PTPRA: variants seen among roughly 807,000 people sequenced by gnomAD.
The protein encoded by PTPRA is receptor-type tyrosine-protein phosphatase alpha.
In PTPRA, 25 loss-of-function variants were observed where a neutral mutation model predicts 104.8. The ratio of observed to expected loss-of-function variants is 0.24; its 90% CI spans 0.17 to 0.33. The LOEUF (loss-of-function observed/expected upper bound fraction) is 0.33. PTPRA is among the 10% of genes least tolerant of loss of function. PTPRA has a pLI of 1.00. For missense variants in PTPRA, 765 were observed against 1,015.3 expected, an observed-to-expected ratio of 0.75 and a Z score of 3.35; for synonymous variants, 323 against 368.9, an observed-to-expected ratio of 0.88 and a Z score of 1.43.
chr20:2,981,979 G>C (rs2062691703), intron 6 of PTPRA, among the ~76,000 whole-genome samples: 1 of 152,010 alleles, frequency 6.6e-6, no homozygotes, highest in Non-Finnish European at 1.5e-5. Flanking sequence ...TGATTCATTA[G>C]TATTTTTATA....
At chr20:3,030,279 A>G (rs1028450427) in intron 20 of PTPRA, among the ~76,000 whole-genome samples, 3 of 152,176 alleles carry the variant, frequency 2.0e-5, no homozygotes, top group African/African-American at 4.8e-5. Context: ...AGTCGTGCGC[A>G]CACAAATTCT....
intron 19 of PTPRA, among the ~76,000 whole-genome samples, chr20:3,027,481 C>T (rs1387195584): frequency 6.6e-6 from 1 of 152,216 alleles, no homozygotes; most frequent in Non-Finnish European, 1.5e-5. Context: ...CTGATCTTTC[C>T]CATTCCTGCC....
chr20:2,914,364 A>ACAGAGCTAGAGCATATATG (rs1439789804), intron 1 of PTPRA, among the ~76,000 whole-genome samples: 12 of 152,182 alleles, frequency 7.9e-5, no homozygotes, highest in Non-Finnish European at 8.8e-5. Context: ...TTCTCAGCAG[A>ACAGAGCTAGAGCATATATG]CAGAGCTAGA....
chr20:2,926,295 G>A (rs997099834), intron 2 of PTPRA, among the ~76,000 whole-genome samples: 5 of 152,208 alleles, frequency 3.3e-5, no homozygotes, highest in East Asian at 1.9e-4. Flanking sequence ...TCAGAGTTTT[G>A]GAGGCTAGAA....
chr20:2,940,025 G>A (rs1203423296), intron 2 of PTPRA, among the ~76,000 whole-genome samples: 3 of 152,236 alleles, frequency 2.0e-5, no homozygotes, highest in African/African-American at 4.8e-5. Context: ...TAGGAGAATC[G>A]TTTGAACCCA....
At chr20:3,000,422 C>T (rs1365325554) in intron 9 of PTPRA, among the ~76,000 whole-genome samples, 1 of 152,152 alleles carries the variant, frequency 6.6e-6, no homozygotes, top group African/African-American at 2.4e-5. Flanking sequence ...AATCAGTTAA[C>T]ACAAAGTCTG....
chr20:2,919,182 A>G (rs551646677), intron 1 of PTPRA, among the ~76,000 whole-genome samples: 1 of 152,292 alleles, frequency 6.6e-6, no homozygotes, highest in South Asian at 2.1e-4. Context: ...AGTACCCAGA[A>G]AACAGAAATT....
At chr20:2,865,415 C>A in the PTPRA span, 2 of 1,614,170 alleles carry the variant, frequency 1.2e-6, no homozygotes, top group East Asian at 4.5e-5. This position sits in a 1 kb window ranked among gnomAD's most constrained non-coding sequence, Gnocchi z 5.2. Context: ...GTGGCTGAAG[C>A]TGACTGCCCT....
At chr20:2,865,250 C>T in the PTPRA span, 1 of 1,614,218 alleles carries the variant, frequency 6.2e-7, no homozygotes, top group Admixed American at 1.7e-5. This position sits in a 1 kb window ranked among gnomAD's most constrained non-coding sequence, Gnocchi z 5.2. Context: ...AGTTACCACC[C>T]TCATTCTTGG....
intron 1 of PTPRA, among the ~76,000 whole-genome samples, chr20:2,891,335 A>G (rs555358975): frequency 2.6e-5 from 4 of 152,316 alleles, no homozygotes; most frequent in African/African-American, 9.6e-5. Context: ...AATAAAATCC[A>G]AACTCCTTAA....
chr20:3,014,392 CT>C (rs1247603269), intron 11 of PTPRA, among the ~76,000 whole-genome samples: 1 of 152,148 alleles, frequency 6.6e-6, no homozygotes, highest in African/African-American at 2.4e-5. Context: ...AATCCCAGTA[CT>C]TTGGGAGGCC....
chr20:2,992,172 A>G (rs771907332), intron 9 of PTPRA, among the ~76,000 whole-genome samples: 4 of 152,220 alleles, frequency 2.6e-5, no homozygotes, highest in Non-Finnish European at 1.5e-5. Context: ...CCAGCTGATA[A>G]TGGGATTCTG....
At chr20:2,888,719 C>T (rs1463271766) in intron 1 of PTPRA, among the ~76,000 whole-genome samples, 1 of 152,122 alleles carries the variant, frequency 6.6e-6, no homozygotes, top group East Asian at 1.9e-4. Context: ...CCCTGCCTTT[C>T]AGCTTTCCCT....
upstream of PTPRA, among the ~76,000 whole-genome samples, chr20:2,871,934 A>T (rs1271977070): frequency 2.0e-5 from 3 of 152,230 alleles, no homozygotes; most frequent in Non-Finnish European, 4.4e-5. Context: ...CTCCCACTCA[A>T]GGAGAGACTT....
At chr20:2,914,331 T>G (rs2059820957) in intron 1 of PTPRA, among the ~76,000 whole-genome samples, 1 of 152,186 alleles carries the variant, frequency 6.6e-6, no homozygotes, top group Non-Finnish European at 1.5e-5. Context: ...ATTGTTCCAC[T>G]GAGGTGTCAC....
chr20:3,010,569 A>G (rs1330453191), intron 11 of PTPRA, among the ~76,000 whole-genome samples: 1 of 152,162 alleles, frequency 6.6e-6, no homozygotes, highest in Non-Finnish European at 1.5e-5. Flanking sequence ...CGGAGCTTGC[A>G]GTGAGCCGAG....
chr20:2,894,691 A>C (rs2058926609), intron 1 of PTPRA, among the ~76,000 whole-genome samples: 1 of 152,078 alleles, frequency 6.6e-6, no homozygotes, highest in Non-Finnish European at 1.5e-5. Context: ...TGTACGTATA[A>C]GATTTAGTTT....
chr20:2,921,322 C>CTT lies in PTPRA; in HGVS notation c.-128-1866_-128-1865dup, dbSNP rs11477373. ...TATTTCCTTAGTACCTGGGAATGCG[C>CTT]TTTTTTTTTTTTTTTTTTTTGAAGA... On this transcript the variant is annotated intron_variant, in intron 1 of 23. Transcript: ENST00000399903. Among the ~76,000 whole-genome samples, 680 of 103,934 alleles carry CTT rather than the reference C, an allele frequency of 6.5e-3. 8 individuals are homozygous for CTT. Among genetic ancestry groups the CTT allele is most frequent in the East Asian group, 0.02 (68 of 3,350 alleles). 68.2% of individuals were successfully genotyped at this position (103,934 alleles called of 152,430 possible).
chr20:2,987,828 G>GC, intron 7 of PTPRA: 1 of 697,264 alleles, frequency 1.4e-6, no homozygotes, highest in African/African-American at 1.7e-5. Context: ...ATTCCAGTGT[G>GC]CCAAGGGTAA....
Sources: gnomAD v4.1 joint callset for allele counts (sites outside exome capture counted in the v4.1 genomes callset) on GRCh38, gnomAD v4.1.1 for gene constraint, Gnocchi (gnomAD v3.1) non-coding constraint, MANE v1.5 for transcripts, NCBI Gene and HGNC (gene_info 2026-07-23, HGNC 2026-07-21) for gene names.